Variants in LAMC3 observed in about 807,000 individuals in gnomAD.
The protein encoded by LAMC3 is laminin subunit gamma-3.
A neutral mutation model predicts 173.8 loss-of-function variants in LAMC3; 128 were observed. The observed-to-expected ratio is 0.74, with a 90% CI of 0.64 to 0.85. The LOEUF (loss-of-function observed/expected upper bound fraction) is 0.85. Among genes scored for constraint, LAMC3 ranks in the 40% least tolerant of loss-of-function variants. The probability of loss-of-function intolerance (pLI) is 0.00; values close to 1 mark genes in which losing one functional copy is unlikely to be tolerated. For synonymous variants in LAMC3, 897 were observed against 909.1 expected, an observed-to-expected ratio of 0.99 and a Z score of 0.24; for missense variants, 2,022 against 2,156.0, an observed-to-expected ratio of 0.94 and a Z score of 1.23.
intron 27 of LAMC3, among the ~76,000 whole-genome samples, chr9:131,090,414 G>C (rs818058): frequency 0.6 from 91,807 of 152,142 alleles, 28,895 homozygotes; most frequent in African/African-American, 0.79. Context: ...GAATCTCTTC[G>C]AAGACCAGGC....
chr9:131,050,895 C>A (rs925576061), intron 9 of LAMC3, among the ~76,000 whole-genome samples: 1 of 152,164 alleles, frequency 6.6e-6, no homozygotes, highest in Non-Finnish European at 1.5e-5. Context: ...AACCATCTCA[C>A]GTGTAGAACG....
At chr9:131,075,371 C>G (rs12378817) in intron 20 of LAMC3, among the ~76,000 whole-genome samples, 1 of 151,962 alleles carries the variant, frequency 6.6e-6, no homozygotes, top group South Asian at 2.1e-4. Context: ...GACAGGAGGT[C>G]GAGACCAGCC....
intron 12 of LAMC3, among the ~76,000 whole-genome samples, chr9:131,058,404 C>T (rs997906748): frequency 2.3e-4 from 35 of 151,832 alleles, no homozygotes; most frequent in African/African-American, 7.5e-4. Context: ...TGAGCCACCA[C>T]GCCTGGCCAA....
rs762306326 is a variant in LAMC3 at position 131,069,344 on chromosome 9, G to T, written c.2890+294G>T. On this transcript the variant is annotated intron_variant, in intron 16 of 27. Coordinates refer to ENST00000361069, the MANE Select transcript of LAMC3 (RefSeq NM_006059.4). ...GCCGGCCAGGAATGTAGTCCCAGAC[G>T]CGCTGTTAAGTGCCTGTGTGCCTGG... Among the ~76,000 whole-genome samples the T allele has an allele frequency of 8.5e-4, 129 of 152,252 alleles. 3 individuals are homozygous for T. The highest frequency in any genetic ancestry group is 8.4e-4 in the Non-Finnish European group (57 of 68,024).
rs1298575908 is a variant in LAMC3, at chr9:131,061,086, T to G, written c.2210T>G (p.Leu737Trp). The G allele has an allele frequency of 6.2e-7, 1 of 1,614,164 alleles. No individual in the cohort carries two copies. Among genetic ancestry groups the G allele is most frequent in the Non-Finnish European group, 8.5e-7 (1 of 1,180,040 alleles). The change falls in exon 13 of 28, where the codon TTG becomes TGG. Residue 737 changes from leucine to tryptophan, a missense_variant. Leu to Trp is a moderately conservative substitution (Grantham distance 61, BLOSUM62 -2). Transcript: ENST00000361069. Reference protein sequence around the residue: ...HTEGPSCERCLPGFYGNPFAG... With the variant: ...HTEGPSCERCWPGFYGNPFAG... ...GAGGGCCCATCCTGTGAACGCTGTT[T>G]GCCAGGTTTCTATGGCAACCCTTTC... is the stretch of plus-strand genomic sequence containing the variant.
Position 131,022,245 on chromosome 9 carries a change from T to C in LAMC3, c.374-4040T>C, listed in dbSNP as rs547384088. Among the ~76,000 whole-genome samples, 152 of 92,886 alleles carry C rather than the reference T, an allele frequency of 1.6e-3. 1 individual carries two copies. The highest frequency in any genetic ancestry group is 5.8e-3 in the African/African-American group (89 of 15,366). 60.9% of individuals were successfully genotyped at this position (92,886 alleles called of 152,430 possible). A position where few individuals can be genotyped will look rare whatever the true frequency, so the allele number is the denominator to read the frequency against. ...ACACACACACACACACACACACACATATATATGTATTTTTTTAATAGAGAG... is the reference window on the plus strand; with the variant it reads ...ACACACACACACACACACACACACACATATATGTATTTTTTTAATAGAGAG... On this transcript the variant is annotated intron_variant, in intron 1 of 27. Coordinates refer to ENST00000361069, the MANE Select transcript of LAMC3 (RefSeq NM_006059.4).
At chr9:131,051,289 A>T (rs950119384) in intron 9 of LAMC3, among the ~76,000 whole-genome samples, 4 of 151,316 alleles carry the variant, frequency 2.6e-5, no homozygotes, top group Non-Finnish European at 5.9e-5. Context: ...TTGCTATTTG[A>T]TGCCATTCTA....
chr9:131,060,535 T>A (rs1829785110), intron 12 of LAMC3, among the ~76,000 whole-genome samples: 1 of 151,920 alleles, frequency 6.6e-6, no homozygotes, highest in African/African-American at 2.4e-5. Context: ...CCCCAGCTAC[T>A]TGGGAGGCTG....
chr9:131,078,400 G>T (rs1467813254), intron 22 of LAMC3, among the ~76,000 whole-genome samples: 1 of 152,160 alleles, frequency 6.6e-6, no homozygotes, highest in Non-Finnish European at 1.5e-5. Context: ...GCTGAGAATG[G>T]CATGAACCTG....
At chr9:131,065,861 T>C (rs1829923526) in intron 13 of LAMC3, among the ~76,000 whole-genome samples, 1 of 151,564 alleles carries the variant, frequency 6.6e-6, no homozygotes, top group South Asian at 2.1e-4. Context: ...TGGAGGAAGG[T>C]GATGATGAGA....
At chr9:131,041,553 G>A (rs1033406465) in intron 6 of LAMC3, 84 bp from the exon 7 acceptor site, 13 of 1,219,256 alleles carry the variant, frequency 1.1e-5, no homozygotes, top group Non-Finnish European at 1.3e-5. Context: ...GTTGGCAGCA[G>A]GGAAAGCTCC....
rs772183771 is a variant in LAMC3, at chr9:131,036,345, G to T, written c.976+13G>T. The T allele has an allele frequency of 6.8e-6, 11 of 1,612,632 alleles. No individual in the cohort carries two copies. The Admixed American group carries it at 1.8e-4, about 27-fold the overall frequency. On this transcript the variant is annotated intron_variant, in intron 4 of 27. Coordinates refer to ENST00000361069, the MANE Select transcript of LAMC3 (RefSeq NM_006059.4). The stretch of plus-strand genomic sequence containing the variant: ...CACGAGTGTCTGCGTGAGTGTCTGA[G>T]TGTCACAGGGCATCAGGGACCCGAG...
In LAMC3 at chr9:131,032,920, G is replaced by A. The variant is rs529360726; in HGVS notation, c.809+745G>A. 4.3e-3 allele frequency among the ~76,000 whole-genome samples: 657 copies of A among 152,310 alleles called. 1 individual carries two copies. The highest frequency in any genetic ancestry group is 5.9e-3 in the Non-Finnish European group (398 of 68,026). ...CAGCCTCAGGTGATCTGCCCGCCTT[G>A]GCCTCCCAAAGTGCTGGGATTACAG... On this transcript the variant is annotated intron_variant, in intron 3 of 27. Coordinates refer to ENST00000361069, the MANE Select transcript of LAMC3 (RefSeq NM_006059.4).
intron 17 of LAMC3, 96 bp downstream of exon 17, chr9:131,069,946 C>T (rs1379404720): frequency 3.1e-6 from 4 of 1,288,668 alleles, no homozygotes; most frequent in Non-Finnish European, 4.4e-6. Flanking sequence ...TGCTTACCCC[C>T]AGTGCTCAGG....
intron 9 of LAMC3, 82 bp from the exon 10 acceptor site, chr9:131,052,409 A>T (rs1834306149): frequency 8.0e-6 from 10 of 1,248,818 alleles, no homozygotes; most frequent in African/African-American, 1.5e-5. Flanking sequence ...TTGAATGTTT[A>T]GTTGCCGATA....
At chr9:131,080,092 C>T (rs1830211293) in intron 23 of LAMC3, among the ~76,000 whole-genome samples, 1 of 152,114 alleles carries the variant, frequency 6.6e-6, no homozygotes, top group African/African-American at 2.4e-5. Context: ...CCTGGGTCAG[C>T]CTCCAGAGTA....
chr9:131,043,960 C>CTT lies in LAMC3; in HGVS notation c.1383-1549_1383-1548dup, dbSNP rs71389386. Among the ~76,000 whole-genome samples, 242 of 134,012 alleles carry CTT rather than the reference C, an allele frequency of 1.8e-3. 6 individuals are homozygous for CTT. The highest frequency in any genetic ancestry group is 3.1e-3 in the African/African-American group (114 of 36,356). 87.9% of individuals were successfully genotyped at this position (134,012 alleles called of 152,430 possible). A position where few individuals can be genotyped will look rare whatever the true frequency, so the allele number is the denominator to read the frequency against. On this transcript the variant is annotated intron_variant, in intron 7 of 27. Coordinates refer to ENST00000361069, the MANE Select transcript of LAMC3 (RefSeq NM_006059.4). ...CTGGGCTGCATTTAGTGACTTGCTG[C>CTT]TTTTTTTTTTTTTTTTGAGACGGAG...
chr9:131,045,962 C>G (rs910127101), intron 8 of LAMC3, among the ~76,000 whole-genome samples: 2 of 152,194 alleles, frequency 1.3e-5, no homozygotes, highest in African/African-American at 4.8e-5. Flanking sequence ...ACTGGCCTCC[C>G]TTGGTGTGTC....
In LAMC3 at chr9:131,036,333, G is replaced by A. The variant is rs201519274; in HGVS notation, c.976+1G>A. On this transcript the variant is annotated splice_donor_variant, in intron 4 of 27. Transcript: ENST00000361069. LOFTEE classifies it high-confidence loss of function. ...GCCGAGGCTGCCCACGAGTGTCTGC[G>A]TGAGTGTCTGAGTGTCACAGGGCAT... 5.0e-5 allele frequency: 80 copies of A among 1,612,542 alleles called. No homozygotes were observed. The highest frequency in any genetic ancestry group is 1.6e-4 in the East Asian group (7 of 44,882).
Sources: allele counts gnomAD v4.1 joint callset (sites outside exome capture counted in the v4.1 genomes callset), GRCh38; gene constraint gnomAD v4.1.1; transcripts MANE v1.5; gene names NCBI Gene and HGNC (gene_info 2026-07-23, HGNC 2026-07-21).